Variants in ISCA2 observed in about 807,000 individuals in gnomAD.
ISCA2 encodes the protein iron-sulfur cluster assembly 2 homolog, mitochondrial.
In ISCA2, 21 loss-of-function variants were observed where a neutral mutation model predicts 19.1. The ratio of observed to expected loss-of-function variants is 1.10; its 90% confidence interval spans 0.78 to 1.59. The LOEUF is 1.59. Ranked by LOEUF, ISCA2 falls within the 40% of genes most tolerant of loss-of-function variation. The pLI is 0.00. For missense variants in ISCA2, 181 were observed against 191.7 expected, an observed-to-expected ratio of 0.94 and a Z score of 0.33; for synonymous variants, 107 against 83.8, an observed-to-expected ratio of 1.28 and a Z score of -1.51.
At position 74,495,987 on chromosome 14, in the gene ISCA2, T is replaced by G. The variant is rs981691260; in HGVS notation, c.*987T>G. ...ATTTGCTGACCTTGGCAACTCTGCT[T>G]TAGGGTCACCAAACAGCTTTTAAAA... On this transcript the variant is annotated 3_prime_UTR_variant, in exon 4 of 4. Coordinates refer to ENST00000556816, the MANE Select transcript of ISCA2 (RefSeq NM_194279.4). 1 of 152,252 alleles carries G rather than the reference T, an allele frequency of 6.6e-6. No individual in the cohort carries two copies. Among genetic ancestry groups the G allele is most frequent in the Non-Finnish European group, 1.5e-5 (1 of 68,048 alleles). The allele number at this position is 152,252 out of a possible 1,614,324, so 9.4% of individuals were successfully genotyped here. A position where few individuals can be genotyped will look rare whatever the true frequency, so the allele number is the denominator to read the frequency against.
At position 74,495,664 on chromosome 14, in the gene ISCA2, TCATA is replaced by T. The variant is rs1486639275; in HGVS notation, c.*667_*670del. The stretch of plus-strand genomic sequence containing the variant: ...ATTATTTCAAAAATAGCCTCCCTAC[TCATA>T]CAGACATTTTAAGATTCTGTGACAA... On this transcript the variant is annotated 3_prime_UTR_variant, in exon 4 of 4. Transcript: ENST00000556816. The T allele has an allele frequency of 3.3e-5, 5 of 152,222 alleles. No homozygotes were observed. The highest frequency in any genetic ancestry group is 2.6e-4 in the Admixed American group (4 of 15,284). 9.4% of individuals were successfully genotyped at this position (152,222 alleles called of 1,614,324 possible). A position where few individuals can be genotyped will look rare whatever the true frequency, so the allele number is the denominator to read the frequency against.
chr14:74,495,024 T>C lies in ISCA2; in HGVS notation c.*24T>C. 6.5e-7 allele frequency: 1 copy of C among 1,546,662 alleles called. No homozygotes were observed. Among genetic ancestry groups the C allele is most frequent in the Non-Finnish European group, 8.9e-7 (1 of 1,122,280 alleles). On this transcript the variant is annotated 3_prime_UTR_variant, in exon 4 of 4. Coordinates refer to ENST00000556816, the MANE Select transcript of ISCA2 (RefSeq NM_194279.4). ...GATGTGATGACTGGTGACTCTGGGA[T>C]TGTCACCAGTTGTACCAATTTGAAG...
At position 74,493,942 on chromosome 14, in the gene ISCA2, G is replaced by A; in HGVS notation, c.71+97G>A. On this transcript the variant is annotated intron_variant, in intron 1 of 3. Transcript: ENST00000556816. The surrounding 1 kb of genome is among the most constrained non-coding windows in gnomAD (Gnocchi z 4.1). The stretch of plus-strand genomic sequence containing the variant: ...CCTGTGGGGGATGCGAGGGTTTGGT[G>A]GGAGGCCGTCCAGGTGGGGGTCGCC... 1.4e-6 allele frequency: 2 copies of A among 1,473,178 alleles called. No individual in the cohort carries two copies. The highest frequency in any genetic ancestry group is 1.9e-6 in the Non-Finnish European group (2 of 1,080,324). The allele number at this position is 1,473,178 out of a possible 1,614,324, so 91.3% of individuals were successfully genotyped here.
chr14:74,494,709 A>G, intron 3 of ISCA2, 117 bp from the exon 4 acceptor site: 1 of 833,942 alleles, frequency 1.2e-6, no homozygotes. Context: ...CACCTGTTAA[A>G]GGTAATGGGG....
chr14:74,493,916 G>A lies in ISCA2; in HGVS notation c.71+71G>A. 6.7e-7 allele frequency: 1 copy of A among 1,494,950 alleles called. No homozygotes were observed. Among genetic ancestry groups the A allele is most frequent in the Non-Finnish European group, 9.1e-7 (1 of 1,098,200 alleles). The allele number at this position is 1,494,950 out of a possible 1,614,324, so 92.6% of individuals were successfully genotyped here. On this transcript the variant is annotated intron_variant, in intron 1 of 3. Transcript: ENST00000556816. The surrounding 1 kb of genome is among the most constrained non-coding windows in gnomAD (Gnocchi z 4.1). ...CCTCTAGGACAAATGGGAAACTAAG[G>A]CCTGTGGGGGATGCGAGGGTTTGGT...
Position 74,494,155 on chromosome 14 carries a change from A to G in ISCA2, c.174+3A>G. 1 of 1,587,214 alleles carries G rather than the reference A, an allele frequency of 6.3e-7. No homozygotes were observed. Among genetic ancestry groups the G allele is most frequent in the Non-Finnish European group, 8.6e-7 (1 of 1,166,368 alleles). On this transcript the variant is annotated splice_donor_region_variant and intron_variant, in intron 2 of 3. Transcript: ENST00000556816. ...GCCTCACAGACAGTTGCGTCCAGGT[A>G]GGAGGCCGGACGCGGAGCGGCGGTA...
intron 3 of ISCA2, 33 bp from the exon 4 acceptor site, chr14:74,494,789 TGCGA>T: frequency 6.3e-7 from 1 of 1,594,066 alleles, no homozygotes; most frequent in Admixed American, 1.7e-5. Flanking sequence ...TTTTTGTGTT[TGCGA>T]TACTCCTTAA....
Position 74,494,322 on chromosome 14 carries a change from G to A in ISCA2, c.222G>A (p.Val74=), listed in dbSNP as rs2086820570. The change falls in exon 3 of 4, where the codon GTG becomes GTA. Residue 74 remains valine, a synonymous_variant. Transcript: ENST00000556816. ...TEGSEFLRLQ[V]EGGGCSGFQY... is the part of the protein sequence containing the mutation. ...GGTCAGAATTCCTCAGGCTGCAAGT[G>A]GAGGGAGGTGGATGCTCCGGATTCC... is the stretch of plus-strand genomic sequence containing the variant. The A allele has an allele frequency of 1.9e-6, 3 of 1,614,210 alleles. No homozygotes were observed. Among genetic ancestry groups the A allele is most frequent in the Non-Finnish European group, 2.5e-6 (3 of 1,180,016 alleles).
chr14:74,494,533 G>A, intron 3 of ISCA2, 143 bp downstream of exon 3: 2 of 675,584 alleles, frequency 3.0e-6, no homozygotes, highest in Non-Finnish European at 5.1e-6. Context: ...TGCAGTAAAG[G>A]TTTGTTGTTC....
At chr14:74,494,416 A>C (rs758344642) in intron 3 of ISCA2, 26 bp downstream of exon 3, 10 of 1,516,710 alleles carry the variant, frequency 6.6e-6, no homozygotes, top group Non-Finnish European at 9.2e-6. Context: ...TGGGCCCCCA[A>C]AGGAGGTACA....
chr14:74,495,953 C>T lies in ISCA2; in HGVS notation c.*953C>T, dbSNP rs1336908240. On this transcript the variant is annotated 3_prime_UTR_variant, in exon 4 of 4. Coordinates refer to ENST00000556816, the MANE Select transcript of ISCA2 (RefSeq NM_194279.4). ...TACTATTTGAAATTCAAATTTAACT[C>T]ATATTTTTATTTGCTGACCTTGGCA... 1 of 152,152 alleles carries T rather than the reference C, an allele frequency of 6.6e-6. No individual in the cohort carries two copies. The highest frequency in any genetic ancestry group is 1.5e-5 in the Non-Finnish European group (1 of 68,030). 9.4% of individuals were successfully genotyped at this position (152,152 alleles called of 1,614,324 possible).
At position 74,495,207 on chromosome 14, in the gene ISCA2, T is replaced by G. The variant is rs1214341160; in HGVS notation, c.*207T>G. The G allele has an allele frequency of 2.0e-6, 1 of 511,792 alleles. No homozygotes were observed. Among genetic ancestry groups the G allele is most frequent in the African/African-American group, 1.9e-5 (1 of 51,360 alleles). 31.7% of individuals were successfully genotyped at this position (511,792 alleles called of 1,614,324 possible). On this transcript the variant is annotated 3_prime_UTR_variant, in exon 4 of 4. Coordinates refer to ENST00000556816, the MANE Select transcript of ISCA2 (RefSeq NM_194279.4). ...TTTTCCCTCCACTCAGTGCTAAGGC[T>G]GAGCCTCCAGATGCTGTTACCTCAG... is the stretch of plus-strand genomic sequence containing the variant.
Position 74,494,104 on chromosome 14 carries a change from C to T in ISCA2, c.126C>T (p.Ser42=). The change falls in exon 2 of 4, where the codon AGC becomes AGT. Residue 42 remains serine, a synonymous_variant. Coordinates refer to ENST00000556816, the MANE Select transcript of ISCA2 (RefSeq NM_194279.4). ...PQARREASSS[S]PEAGEGQIRL... ...CGCGTCGGGAGGCGTCGTCCTCCAG[C>T]CCCGAGGCCGGCGAAGGGCAGATCC... is the stretch of plus-strand genomic sequence containing the variant. The T allele has an allele frequency of 1.3e-6, 2 of 1,574,032 alleles. No homozygotes were observed. Among genetic ancestry groups the T allele is most frequent in the South Asian group, 1.1e-5 (1 of 87,012 alleles).
At position 74,494,147 on chromosome 14, in the gene ISCA2, G is replaced by T; in HGVS notation, c.169G>T (p.Val57Phe). ...GCAGATCCGCCTCACAGACAGTTGC[G>T]TCCAGGTAGGAGGCCGGACGCGGAG... ...EGQIRLTDSC[V>F]QRLLEITEGS... The change falls in exon 2 of 4, where the codon GTC becomes TTC. Residue 57 changes from valine (V) to phenylalanine (F), a missense_variant. Coordinates refer to ENST00000556816, the MANE Select transcript of ISCA2 (RefSeq NM_194279.4). The T allele has an allele frequency of 6.3e-7, 1 of 1,588,414 alleles. No individual in the cohort carries two copies. The highest frequency in any genetic ancestry group is 8.6e-7 in the Non-Finnish European group (1 of 1,167,574).
rs1374332612 is a variant in ISCA2 at position 74,495,582 on chromosome 14, C to T, written c.*582C>T. On this transcript the variant is annotated 3_prime_UTR_variant, in exon 4 of 4. Transcript: ENST00000556816. ...TCATGCTCGTGGATCTGCTATGAGT[C>T]ATAAAACCAAGAGCCCGTTACCCAG... The T allele has an allele frequency of 6.6e-6, 1 of 152,198 alleles. No individual in the cohort carries two copies. The highest frequency in any genetic ancestry group is 1.5e-5 in the Non-Finnish European group (1 of 68,038). 9.4% of individuals were successfully genotyped at this position (152,198 alleles called of 1,614,324 possible).
chr14:74,494,955 A>G lies in ISCA2; in HGVS notation c.420A>G (p.Ala140=). The change falls in exon 4 of 4, where the codon GCA becomes GCG. Residue 140 remains alanine (A), a synonymous_variant. Transcript: ENST00000556816. The part of the protein sequence containing the change: ...SSFQVLNNPQ[A]QQGCSCGSSF... ...TTCAAGTGTTGAACAATCCTCAAGC[A>G]CAGCAAGGCTGCTCCTGTGGGTCAT... is the stretch of plus-strand genomic sequence containing the variant. 6.2e-7 allele frequency: 1 copy of G among 1,613,690 alleles called. No individual in the cohort carries two copies. The highest frequency in any genetic ancestry group is 8.5e-7 in the Non-Finnish European group (1 of 1,180,018).
At position 74,496,596 on chromosome 14, in the gene ISCA2, A is replaced by G. The variant is rs2086849173; in HGVS notation, c.*1596A>G. ...CTACCTGTCCTTTCATCCTCCTTAA[A>G]AAGATTTTGCTACATTTTAAACATT... On this transcript the variant is annotated 3_prime_UTR_variant, in exon 4 of 4. Transcript: ENST00000556816. 1 of 152,190 alleles carries G rather than the reference A, an allele frequency of 6.6e-6. No individual in the cohort carries two copies. Among genetic ancestry groups the G allele is most frequent in the African/African-American group, 2.4e-5 (1 of 41,430 alleles). The allele number at this position is 152,190 out of a possible 1,614,324, so 9.4% of individuals were successfully genotyped here. A position where few individuals can be genotyped will look rare whatever the true frequency, so the allele number is the denominator to read the frequency against.
chr14:74,494,008 G>A, intron 1 of ISCA2, 42 bp from the exon 2 acceptor site: 1 of 1,508,072 alleles, frequency 6.6e-7, no homozygotes. Flanking sequence ...GTTGCAAGGT[G>A]CCCCTTCTGC....
rs772277095 is a variant in ISCA2 at position 74,494,122 on chromosome 14, G to A, written c.144G>A (p.Gly48=). Residue 48 remains glycine, a synonymous_variant, in exon 2 of 4, where the codon GGG becomes GGA. Transcript: ENST00000556816. ...ASSSSPEAGE[G]QIRLTDSCVQ... is the part of the protein sequence containing the mutation. ...CCTCCAGCCCCGAGGCCGGCGAAGG[G>A]CAGATCCGCCTCACAGACAGTTGCG... The A allele has an allele frequency of 3.3e-5, 52 of 1,582,532 alleles. No homozygotes were observed. The highest frequency in any genetic ancestry group is 2.8e-5 in the Non-Finnish European group (33 of 1,166,064).
Sources: gnomAD v4.1 joint callset for allele counts on GRCh38, gnomAD v4.1.1 for gene constraint, Gnocchi (gnomAD v3.1) non-coding constraint, MANE v1.5 for transcripts, NCBI Gene and HGNC (gene_info 2026-07-23, HGNC 2026-07-21) for gene names.